Variants in RTEL1 observed in about 807,000 individuals in gnomAD.
RTEL1 encodes the protein regulator of telomere elongation helicase 1.
Under a neutral mutation model 162.2 loss-of-function variants are expected in RTEL1, and 86 were observed. The ratio of observed to expected loss-of-function variants is 0.53; its 90% CI spans 0.45 to 0.63. The LOEUF is 0.63. RTEL1 is among the 30% of genes least tolerant of loss of function. The pLI, the probability that RTEL1 is intolerant of heterozygous loss-of-function variation, is 0.00. For missense variants in RTEL1, 1,941 were observed against 1,750.2 expected, an observed-to-expected ratio of 1.11 and a Z score of -1.95; for synonymous variants, 958 against 717.9, an observed-to-expected ratio of 1.33 and a Z score of -5.35.
chr20:63,690,572 C>G, intron 26 of RTEL1, 131 bp downstream of exon 26: 14 of 1,251,370 alleles, frequency 1.1e-5, no homozygotes, highest in Non-Finnish European at 1.3e-5. Flanking sequence ...CCTCCAAAGG[C>G]TGCCTCTCCC....
chr20:63,672,414 G>A, intron 8 of RTEL1, 142 bp from the exon 9 acceptor site: 2 of 699,396 alleles, frequency 2.9e-6, no homozygotes, highest in East Asian at 2.7e-5. Flanking sequence ...AGGTCATCCA[G>A]GTCTGGCCTC....
In RTEL1 at chr20:63,694,780, C is replaced by G; in HGVS notation, c.3149C>G (p.Pro1050Arg). 1 of 1,611,724 alleles carries G rather than the reference C, an allele frequency of 6.2e-7. No homozygotes were observed. The highest frequency in any genetic ancestry group is 8.5e-7 in the Non-Finnish European group (1 of 1,179,518). The change falls in exon 32 of 35, where the codon CCC (proline) becomes CGC (arginine). Residue 1050 changes from proline (P) to arginine (R), a missense_variant. By Grantham distance (103) the Pro-to-Arg change is moderately radical (BLOSUM62 -2). Transcript: ENST00000360203. The part of the protein sequence containing the change: ...GSQPQWGSGV[P>R]RAGKQGQHAV... The stretch of plus-strand genomic sequence containing the variant: ...CAACCACAGTGGGGGTCTGGAGTGC[C>G]CAGAGCAGGGAAGCAGGGCCAGCAC...
rs1263014960 is a variant in RTEL1 at position 63,661,505 on chromosome 20, A to C, written c.301+9A>C. On this transcript the variant is annotated intron_variant, in intron 3 of 34. Coordinates refer to ENST00000360203, the MANE Select transcript of RTEL1 (RefSeq NM_001283009.2). This position sits in a 1 kb window ranked among gnomAD's most constrained non-coding sequence, Gnocchi z 5.1. ...TGCTGGAGACCCCATAGGTGACCCT[A>C]GTTCCCAGGCCTCTCCTGGCCTCCT... The C allele has an allele frequency of 3.1e-6, 5 of 1,606,450 alleles. No individual in the cohort carries two copies. Among genetic ancestry groups the C allele is most frequent in the Non-Finnish European group, 3.4e-6 (4 of 1,179,196 alleles).
chr20:63,672,706 TGG>T (rs2090269420), intron 9 of RTEL1, 85 bp downstream of exon 9: 2 of 1,165,918 alleles, frequency 1.7e-6, no homozygotes, highest in African/African-American at 3.1e-5. Flanking sequence ...GGAGGGGCTC[TGG>T]CCAAACTCCT....
chr20:63,672,108 T>C (rs971588803), intron 8 of RTEL1, among the ~76,000 whole-genome samples: 6 of 151,702 alleles, frequency 4.0e-5, no homozygotes, highest in African/African-American at 1.5e-4. Context: ...GGTCTTGAAC[T>C]CCTGACCTCG....
chr20:63,658,177 C>T (rs1301877841), upstream of RTEL1: 1 of 152,296 alleles, frequency 6.6e-6, no homozygotes, highest in Non-Finnish European at 1.5e-5. Context: ...AAGTGAGGTT[C>T]ACTGGCCAGC....
At chr20:63,676,674 A>G (rs1186402529) in intron 10 of RTEL1, among the ~76,000 whole-genome samples, 9 of 152,246 alleles carry the variant, frequency 5.9e-5, no homozygotes, top group South Asian at 4.1e-4. Context: ...GCTGTCTCAC[A>G]CCTGTCATCC....
intron 28 of RTEL1, chr20:63,692,591 C>A (rs2090776255): frequency 3.4e-6 from 2 of 594,644 alleles, no homozygotes; most frequent in Non-Finnish European, 6.0e-6. Context: ...TCCCTGCCAG[C>A]CTCTCACTGT....
At chr20:63,693,597 TCCACCA>T (rs1568721114) in intron 30 of RTEL1, among the ~76,000 whole-genome samples, 49 of 2,790 alleles carry the variant, frequency 0.018, no homozygotes, top group East Asian at 0.023. Flanking sequence ...CACCTCCACC[TCCACCA>T]CCACCACCTC....
At chr20:63,673,872 C>T in intron 9 of RTEL1, 68 bp from the exon 10 acceptor site, 9 of 1,520,806 alleles carry the variant, frequency 5.9e-6, no homozygotes, top group South Asian at 1.3e-5. Context: ...ACCCCCACCC[C>T]ATTTCTGCTT....
chr20:63,673,887 GA>G, intron 9 of RTEL1, 52 bp from the exon 10 acceptor site: 5 of 1,531,930 alleles, frequency 3.3e-6, no homozygotes, highest in Admixed American at 4.0e-5. Flanking sequence ...CTGCTTTCTG[GA>G]ACCCCCGATC....
intron 6 of RTEL1, among the ~76,000 whole-genome samples, chr20:63,664,707 C>T (rs912968833): frequency 1.3e-5 from 2 of 152,220 alleles, no homozygotes; most frequent in Non-Finnish European, 2.9e-5. Context: ...GTCTGCAGCA[C>T]CTGCACCGGC....
At position 63,687,288 on chromosome 20, in the gene RTEL1, T is replaced by C. The variant is rs1601161357; in HGVS notation, c.1349-350T>C. ...GAATGTCGGGATGCCGGCGCTTCCT[T>C]CCCGTGTGCTCTTGGCGGGGTGGGC... On this transcript the variant is annotated intron_variant, in intron 16 of 34. Coordinates refer to ENST00000360203, the MANE Select transcript of RTEL1 (RefSeq NM_001283009.2). 7 of 247,834 alleles carry C rather than the reference T, an allele frequency of 2.8e-5. No homozygotes were observed. The East Asian group carries it at 5.6e-4, about 20-fold the overall frequency. The allele number at this position is 247,834 out of a possible 1,614,324, so 15.4% of individuals were successfully genotyped here.
chr20:63,659,634 G>C (rs2096537865), intron 2 of RTEL1, 130 bp downstream of exon 2: 1 of 726,006 alleles, frequency 1.4e-6, no homozygotes, highest in Admixed American at 2.2e-5. Context: ...CATAAAAAGG[G>C]CTGGTGTTCC....
rs748434559 is a variant in RTEL1 at position 63,685,818 on chromosome 20, C to G, written c.1294C>G (p.Arg432Gly). ...GCACATCCATCCTGATGCTGGTCACCGGAGGACGGCTCAGCGGTCTGATGC... is the reference window on the plus strand; with the variant it reads ...GCACATCCATCCTGATGCTGGTCACGGGAGGACGGCTCAGCGGTCTGATGC... The part of the protein sequence containing the change: ...KVHIHPDAGH[R>G]RTAQRSDAWS... Residue 432 changes from arginine to glycine, a missense_variant, in exon 16 of 35, where the codon CGG (arginine) becomes GGG (glycine). By Grantham distance (125) the Arg-to-Gly change is moderately radical (BLOSUM62 -2). Transcript: ENST00000360203. The G allele has an allele frequency of 6.2e-7, 1 of 1,612,618 alleles. No homozygotes were observed. The highest frequency in any genetic ancestry group is 8.5e-7 in the Non-Finnish European group (1 of 1,179,902).
At chr20:63,683,406 T>G (rs1274348094) in intron 14 of RTEL1, among the ~76,000 whole-genome samples, 1 of 152,200 alleles carries the variant, frequency 6.6e-6, no homozygotes, top group Non-Finnish European at 1.5e-5. Flanking sequence ...GGCCCTGTGT[T>G]TAGCTGTCTT....
At position 63,689,492 on chromosome 20, in the gene RTEL1, T is replaced by C. The variant is rs1337076899; in HGVS notation, c.1879-10T>C. 1.6e-5 allele frequency: 25 copies of C among 1,574,674 alleles called. No individual in the cohort carries two copies. Among genetic ancestry groups the C allele is most frequent in the Non-Finnish European group, 2.1e-5 (24 of 1,160,686 alleles). On this transcript the variant is annotated splice_polypyrimidine_tract_variant and intron_variant, in intron 22 of 34. Coordinates refer to ENST00000360203, the MANE Select transcript of RTEL1 (RefSeq NM_001283009.2). ...CACGGCCCCAGGCAGCTCCCTGGTG[T>C]GTCCCCTAGGCCAGCGAGGGGCTGG...
At position 63,694,882 on chromosome 20, in the gene RTEL1, C is replaced by T. The variant is rs142457144; in HGVS notation, c.3251C>T (p.Thr1084Ile). The T allele has an allele frequency of 8.2e-5, 132 of 1,612,680 alleles. 1 individual carries two copies. In the African/African-American group the frequency reaches 1.2e-3, roughly 14 times the overall value. ...AGCSQLLAAL[T>I]AYKQDDDLDK... The stretch of plus-strand genomic sequence containing the variant: ...TGTAGCCAACTCTTGGCAGCGCTGA[C>T]AGCCTATAAGCAAGACGACGACCTC... Residue 1084 changes from threonine (T) to isoleucine (I), a missense_variant, in exon 32 of 35, where the codon ACA becomes ATA. Thr to Ile is a moderately conservative substitution (Grantham distance 89). Transcript: ENST00000360203.
At chr20:63,660,320 C>T (rs1302949112) in intron 2 of RTEL1, among the ~76,000 whole-genome samples, 1 of 152,230 alleles carries the variant, frequency 6.6e-6, no homozygotes, top group Non-Finnish European at 1.5e-5. Context: ...ATATTTCAGA[C>T]TATCACATGG....
Sources: gnomAD v4.1 joint callset for allele counts (sites outside exome capture counted in the v4.1 genomes callset) on GRCh38, gnomAD v4.1.1 for gene constraint, Gnocchi (gnomAD v3.1) non-coding constraint, MANE v1.5 for transcripts, NCBI Gene and HGNC (gene_info 2026-07-23, HGNC 2026-07-21) for gene names.